The following AGBL4 variants were observed in gnomAD, a reference collection of about 807,000 sequenced individuals.
AGBL4 encodes the protein cytosolic carboxypeptidase 6.
In AGBL4, 58 loss-of-function variants were observed where a neutral mutation model predicts 66.4. The ratio of observed to expected loss-of-function variants is 0.87; its 90% CI spans 0.71 to 1.09. The LOEUF (loss-of-function observed/expected upper bound fraction) is 1.09. AGBL4 is among the 50% of genes least tolerant of loss of function. AGBL4 has a pLI of 0.00. For synonymous variants in AGBL4, 234 were observed against 222.9 expected, an observed-to-expected ratio of 1.05 and a Z score of -0.44; for missense variants, 579 against 631.0, an observed-to-expected ratio of 0.92 and a Z score of 0.88.
At chr1:49,441,232 A>G (rs980256088) in intron 3 of AGBL4, among the ~76,000 whole-genome samples, 2 of 152,200 alleles carry the variant, frequency 1.3e-5, no homozygotes, top group African/African-American at 2.4e-5. Context: ...ATTCATATAA[A>G]CAGAAATCTG....
chr1:48,557,654 G>A (rs1197876250), intron 11 of AGBL4, among the ~76,000 whole-genome samples: 2 of 152,226 alleles, frequency 1.3e-5, no homozygotes, highest in African/African-American at 4.8e-5. Flanking sequence ...TGGGGTAGAA[G>A]GATCCGGTTC....
chr1:48,797,938 G>A (rs1007253412), intron 6 of AGBL4, among the ~76,000 whole-genome samples: 4 of 152,162 alleles, frequency 2.6e-5, no homozygotes, highest in African/African-American at 7.2e-5. Context: ...TGCTATAAAC[G>A]TGTGTGCAAG....
At chr1:49,526,432 T>C (rs566173163) in intron 3 of AGBL4, among the ~76,000 whole-genome samples, 3 of 152,030 alleles carry the variant, frequency 2.0e-5, no homozygotes, top group Non-Finnish European at 4.4e-5. Flanking sequence ...AACAATACAT[T>C]TGAAAGCTGC....
At chr1:49,482,739 C>A (rs534112252) in intron 3 of AGBL4, among the ~76,000 whole-genome samples, 1 of 151,952 alleles carries the variant, frequency 6.6e-6, no homozygotes. Context: ...ATCTTCCTAG[C>A]TTTTTGATGT....
chr1:48,925,149 TACACACAC>T (rs55896102), intron 5 of AGBL4, among the ~76,000 whole-genome samples: 2 of 145,916 alleles, frequency 1.4e-5, no homozygotes, highest in African/African-American at 2.5e-5. Flanking sequence ...TATATATACA[TACACACAC>T]ACACACACAC....
At chr1:49,856,808 A>C (rs139396047) in intron 1 of AGBL4, among the ~76,000 whole-genome samples, 1 of 152,218 alleles carries the variant, frequency 6.6e-6, no homozygotes, top group Admixed American at 6.5e-5. Context: ...ATTTCCTCTA[A>C]GAACAGAACA....
At chr1:49,006,384 G>A (rs951136642) in intron 5 of AGBL4, among the ~76,000 whole-genome samples, 39 of 152,224 alleles carry the variant, frequency 2.6e-4, no homozygotes, top group Non-Finnish European at 4.6e-4. Flanking sequence ...CTACGCCCAC[G>A]GAGTCTTGCT....
At chr1:49,926,637 C>T (rs1652806290) in intron 1 of AGBL4, among the ~76,000 whole-genome samples, 1 of 152,018 alleles carries the variant, frequency 6.6e-6, no homozygotes, top group Admixed American at 6.6e-5. Flanking sequence ...TGAGGTAACT[C>T]AAAGAAATCT....
At position 49,996,612 on chromosome 1, in the gene AGBL4, G is replaced by C. The variant is rs528469561; in HGVS notation, c.34+27151C>G. Among the ~76,000 whole-genome samples, 18 of 152,238 alleles carry C rather than the reference G, an allele frequency of 1.2e-4. No homozygotes were observed. In the South Asian group the frequency reaches 3.7e-3, roughly 32 times the overall value. ...TAATTGGTGTACTCAAGGAAGAAGA[G>C]AAATCTAAAAGTTTGGAAAATATAC... On this transcript the variant is annotated intron_variant, in intron 1 of 13. Coordinates refer to ENST00000371839, the MANE Select transcript of AGBL4 (RefSeq NM_032785.4).
intron 3 of AGBL4, among the ~76,000 whole-genome samples, chr1:49,562,983 A>G (rs529423841): frequency 6.6e-6 from 1 of 151,954 alleles, no homozygotes; most frequent in Non-Finnish European, 1.5e-5. Flanking sequence ...CTTTTATTTC[A>G]TTGAGCAGTG....
intron 1 of AGBL4, among the ~76,000 whole-genome samples, chr1:49,960,189 T>A (rs1168740634): frequency 1.3e-5 from 2 of 151,914 alleles, no homozygotes; most frequent in Non-Finnish European, 2.9e-5. Context: ...AAAGTAAAAA[T>A]TTTAAAAAGG....
chr1:49,900,322 C>T, intron 1 of AGBL4, among the ~76,000 whole-genome samples: 1 of 151,848 alleles, frequency 6.6e-6, no homozygotes, highest in East Asian at 1.9e-4. Flanking sequence ...CTCGGCTCAC[C>T]ACAAACTCTG....
intron 4 of AGBL4, among the ~76,000 whole-genome samples, chr1:49,221,024 C>T (rs556783944): frequency 1.3e-4 from 20 of 152,144 alleles, no homozygotes; most frequent in African/African-American, 4.6e-4. Flanking sequence ...AACCTATTTC[C>T]TGGTCTCCAA....
At chr1:49,781,935 G>T (rs1160112770) in intron 2 of AGBL4, among the ~76,000 whole-genome samples, 7 of 152,002 alleles carry the variant, frequency 4.6e-5, no homozygotes, top group African/African-American at 1.5e-4. Context: ...AAAATACTTT[G>T]ATTTCAACGA....
At chr1:49,670,591 C>G (rs1489106615) in intron 3 of AGBL4, among the ~76,000 whole-genome samples, 2 of 152,120 alleles carry the variant, frequency 1.3e-5, no homozygotes, top group African/African-American at 4.8e-5. Flanking sequence ...AGAGAAACTA[C>G]AGCAAAAAGT....
intron 4 of AGBL4, among the ~76,000 whole-genome samples, chr1:49,216,103 A>G (rs574996933): frequency 7.9e-5 from 12 of 152,246 alleles, no homozygotes; most frequent in African/African-American, 2.6e-4. Context: ...GAACCCCACC[A>G]TGGAGGAGAC....
chr1:48,959,697 G>C (rs1427147250), intron 5 of AGBL4, among the ~76,000 whole-genome samples: 1 of 152,216 alleles, frequency 6.6e-6, no homozygotes, highest in Non-Finnish European at 1.5e-5. Context: ...TGAGCCATGA[G>C]AATATCTAGA....
chr1:49,286,957 A>G (rs2148417488), intron 3 of AGBL4, among the ~76,000 whole-genome samples: 1 of 152,266 alleles, frequency 6.6e-6, no homozygotes, highest in Middle Eastern at 3.4e-3. Context: ...ACCTGACTTC[A>G]AACTATACTA....
chr1:49,467,859 A>C (rs1646662407), intron 3 of AGBL4, among the ~76,000 whole-genome samples: 1 of 151,852 alleles, frequency 6.6e-6, no homozygotes, highest in Admixed American at 6.6e-5. Flanking sequence ...CTTTCCTTTA[A>C]GAGTTCCCAT....
Sources: gnomAD v4.1 joint callset for allele counts (sites outside exome capture counted in the v4.1 genomes callset) on GRCh38, gnomAD v4.1.1 for gene constraint, MANE v1.5 for transcripts, NCBI Gene and HGNC (gene_info 2026-07-23, HGNC 2026-07-21) for gene names.